Variants in ZNF654 observed in about 807,000 individuals in gnomAD.
ZNF654 encodes the protein zinc finger protein 654.
Under a neutral mutation model 95.3 loss-of-function variants are expected in ZNF654, and 19 were observed. The observed-to-expected ratio is 0.20, with a 90% CI of 0.14 to 0.29. The LOEUF (loss-of-function observed/expected upper bound fraction) is 0.29. ZNF654 is among the 10% of genes least tolerant of loss of function. The pLI is 1.00. For synonymous variants in ZNF654, 413 were observed against 457.9 expected, an observed-to-expected ratio of 0.90 and a Z score of 1.25; for missense variants, 1,046 against 1,341.0, an observed-to-expected ratio of 0.78 and a Z score of 3.44.
chr3:88,096,968 T>A (rs770177476), intron 2 of ZNF654, among the ~76,000 whole-genome samples: 4 of 152,156 alleles, frequency 2.6e-5, no homozygotes, highest in Non-Finnish European at 5.9e-5. Flanking sequence ...TGTTTTTCAC[T>A]TAGATACCTT....
chr3:88,100,225 C>T (rs146755179), intron 2 of ZNF654, among the ~76,000 whole-genome samples: 4,660 of 152,252 alleles, frequency 0.031, 97 homozygotes, highest in Non-Finnish European at 0.044. Context: ...TGAAAAAATG[C>T]TCATCATCAC....
At position 88,139,282 on chromosome 3, in the gene ZNF654, T is replaced by C; in HGVS notation, c.1613T>C (p.Val538Ala). Residue 538 changes from valine to alanine, a missense_variant, in exon 8 of 9, where the codon GTA becomes GCA. This residue lies in a region of ZNF654 where 100 missense variants were observed against 108.9 expected (regional missense o/e 0.92). Transcript: ENST00000636215. The stretch of plus-strand genomic sequence containing the variant: ...CTTACAGCTCTCAGTACTTCCAAAG[T>C]AGATCACAATGTCCCAAGGCATCGT... The part of the protein sequence containing the change: ...KNLTALSTSK[V>A]DHNVPRHRCM... 2 of 1,560,726 alleles carry C rather than the reference T, an allele frequency of 1.3e-6. No individual in the cohort carries two copies. The highest frequency in any genetic ancestry group is 2.5e-5 in the South Asian group (2 of 79,846).
intron 6 of ZNF654, among the ~76,000 whole-genome samples, chr3:88,130,222 G>C (rs1706363489): frequency 6.6e-6 from 1 of 152,058 alleles, no homozygotes; most frequent in African/African-American, 2.4e-5. Flanking sequence ...GGGCTATTAA[G>C]AATTTCTGTT....
intron 2 of ZNF654, among the ~76,000 whole-genome samples, chr3:88,087,632 T>C (rs1411092375): frequency 6.6e-6 from 1 of 152,232 alleles, no homozygotes; most frequent in Non-Finnish European, 1.5e-5. Context: ...TCATCTGTTA[T>C]TTATTTATAC....
intron 2 of ZNF654, 107 bp downstream of exon 2, chr3:88,086,509 CA>C: frequency 1.0e-6 from 1 of 981,786 alleles, no homozygotes; most frequent in Non-Finnish European, 1.4e-6. Flanking sequence ...AGTATTCCCT[CA>C]AAAAGAAATG....
At chr3:88,115,476 T>C (rs575827663) in intron 3 of ZNF654, among the ~76,000 whole-genome samples, 3 of 152,346 alleles carry the variant, frequency 2.0e-5, no homozygotes, top group Admixed American at 2.0e-4. Flanking sequence ...ATCATGTCAC[T>C]GTTTTTAAGG....
chr3:88,103,078 T>A (rs1704527323), intron 2 of ZNF654, among the ~76,000 whole-genome samples: 1 of 152,174 alleles, frequency 6.6e-6, no homozygotes, highest in African/African-American at 2.4e-5. Flanking sequence ...ACATGTGTTA[T>A]TTGGTTTTCT....
rs1707240946 is a variant in ZNF654 at position 88,143,884 on chromosome 3, GTCTTTTAAAACATAAACCTACA to G, written c.*2235_*2256del. 6.6e-6 allele frequency: 1 copy of G among 151,872 alleles called. No individual in the cohort carries two copies. Among genetic ancestry groups the G allele is most frequent in the Non-Finnish European group, 1.5e-5 (1 of 67,772 alleles). The allele number at this position is 151,872 out of a possible 1,614,324, so 9.4% of individuals were successfully genotyped here. On this transcript the variant is annotated 3_prime_UTR_variant, in exon 9 of 9. Coordinates refer to ENST00000636215, the MANE Select transcript of ZNF654 (RefSeq NM_001350134.2). ...AGAATGTGTTCATTTTATTACATCT[GTCTTTTAAAACATAAACCTACA>G]TCATTTTGCTTTTATAGGGTGCATA...
intron 3 of ZNF654, among the ~76,000 whole-genome samples, chr3:88,121,626 AC>A (rs1705773156): frequency 6.6e-6 from 1 of 152,182 alleles, no homozygotes; most frequent in Non-Finnish European, 1.5e-5. Flanking sequence ...AAAATGCATA[AC>A]ATCCTTAAAT....
At chr3:88,109,672 A>G (rs2107752630) in intron 2 of ZNF654, among the ~76,000 whole-genome samples, 1 of 152,288 alleles carries the variant, frequency 6.6e-6, no homozygotes, top group South Asian at 2.1e-4. Flanking sequence ...GCGTTATTCA[A>G]GGGGGAACTG....
At chr3:88,115,390 G>A (rs1219194614) in intron 3 of ZNF654, among the ~76,000 whole-genome samples, 1 of 152,160 alleles carries the variant, frequency 6.6e-6, no homozygotes, top group Non-Finnish European at 1.5e-5. Flanking sequence ...TAAAATGGAG[G>A]CAATAACTAT....
rs551020491 is a variant in ZNF654, at chr3:88,130,515, G to T, written c.893+689G>T. ...CTCTCAGGCTAGAATACAGTGGTGC[G>T]ATCATGGCTCACTGCAGCCTCAACT... On this transcript the variant is annotated intron_variant, in intron 6 of 8. Coordinates refer to ENST00000636215, the MANE Select transcript of ZNF654 (RefSeq NM_001350134.2). Among the ~76,000 whole-genome samples, 3 of 151,858 alleles carry T rather than the reference G, an allele frequency of 2.0e-5. No homozygotes were observed. The East Asian group carries it at 5.8e-4, about 29-fold the overall frequency.
intron 2 of ZNF654, among the ~76,000 whole-genome samples, chr3:88,112,803 A>G (rs535143458): frequency 2.6e-5 from 4 of 152,002 alleles, no homozygotes; most frequent in Admixed American, 1.3e-4. Context: ...ATCCTTGTGT[A>G]TATAGCTATC....
chr3:88,060,650 A>C (rs571672541), intron 1 of ZNF654, among the ~76,000 whole-genome samples: 1 of 151,048 alleles, frequency 6.6e-6, no homozygotes, highest in South Asian at 2.1e-4. Context: ...GTAATAGTTA[A>C]ATAAATATGT....
chr3:88,090,348 A>C (rs1708565466), intron 2 of ZNF654, among the ~76,000 whole-genome samples: 2 of 152,290 alleles, frequency 1.3e-5, no homozygotes, highest in South Asian at 4.1e-4. Context: ...GCTGATCAGT[A>C]TGTGACTTAG....
At chr3:88,138,497 A>G (rs373384443) in intron 7 of ZNF654, among the ~76,000 whole-genome samples, 2 of 152,172 alleles carry the variant, frequency 1.3e-5, no homozygotes, top group South Asian at 2.1e-4. Context: ...CTAAAATGCT[A>G]TCTATTCCAG....
intron 2 of ZNF654, among the ~76,000 whole-genome samples, chr3:88,104,783 T>C (rs181907842): frequency 1.1e-4 from 16 of 152,258 alleles, no homozygotes; most frequent in Admixed American, 9.2e-4. Flanking sequence ...AACAGAACAA[T>C]GAATAGACAG....
chr3:88,073,162 A>G (rs1707612879), intron 1 of ZNF654, among the ~76,000 whole-genome samples: 1 of 152,160 alleles, frequency 6.6e-6, no homozygotes, highest in African/African-American at 2.4e-5. Context: ...CCTGCAAACT[A>G]TTAGCAGTAC....
chr3:88,073,564 A>G (rs1431240616), intron 1 of ZNF654, among the ~76,000 whole-genome samples: 3 of 152,224 alleles, frequency 2.0e-5, no homozygotes, highest in Admixed American at 6.5e-5. Context: ...TGTATACTAA[A>G]GTACTTAGCA....
Sources: allele counts gnomAD v4.1 joint callset (sites outside exome capture counted in the v4.1 genomes callset), GRCh38; gene constraint gnomAD v4.1.1; regional missense constraint gnomAD v4.1.1; transcripts MANE v1.5; gene names NCBI Gene and HGNC (gene_info 2026-07-23, HGNC 2026-07-21).